The following LRRC61 variants were observed in gnomAD, a reference collection of about 807,000 sequenced individuals.
LRRC61 encodes the protein leucine-rich repeat-containing protein 61.
LRRC61 carries 9 observed loss-of-function variants against 15.1 expected under a neutral mutation model. The observed-to-expected ratio is 0.60, with a 90% confidence interval of 0.36 to 1.04. LRRC61 has a LOEUF of 1.04. Ranked by LOEUF, LRRC61 falls within the 50% of genes least tolerant of loss-of-function variation. LRRC61 has a pLI of 0.01. For synonymous variants in LRRC61, 173 were observed against 158.6 expected (o/e 1.09, Z -0.68); for missense variants, 344 against 335.6 (o/e 1.03, Z -0.20).
Position 150,330,001 on chromosome 7 carries a change from G to T in LRRC61, c.-145+3991G>T, listed in dbSNP as rs1197782452. On this transcript the variant is annotated intron_variant, in intron 2 of 2. Transcript: ENST00000359623. This position sits in a 1 kb window ranked among gnomAD's most constrained non-coding sequence, Gnocchi z 4.6. ...GCAGGCTTCCTGGTATCGAGCAGCTGCCCCAGCCTGGAGCAGGCGGCCAAG... is the reference window on the plus strand; with the variant it reads ...GCAGGCTTCCTGGTATCGAGCAGCTTCCCCAGCCTGGAGCAGGCGGCCAAG... 1 of 178,882 alleles carries T rather than the reference G, an allele frequency of 5.6e-6. No homozygotes were observed. The highest frequency in any genetic ancestry group is 2.4e-5 in the African/African-American group (1 of 42,072). 11.1% of individuals were successfully genotyped at this position (178,882 alleles called of 1,614,324 possible).
Position 150,337,304 on chromosome 7 carries a change from C to T in LRRC61, c.443C>T (p.Ala148Val), listed in dbSNP as rs1563230172. Residue 148 changes from alanine to valine, a missense_variant, in exon 3 of 3, where the codon GCT becomes GTT. Transcript: ENST00000359623. ...CTCTGTGCCAACCCCTCCTACTGGG[C>T]TGCAGTCCGGGAGCTGCTGCCTGGC... The part of the protein sequence containing the change: ...NPLCANPSYW[A>V]AVRELLPGLK... 4 of 1,603,526 alleles carry T rather than the reference C, an allele frequency of 2.5e-6. No homozygotes were observed. Among genetic ancestry groups the T allele is most frequent in the African/African-American group, 1.3e-5 (1 of 74,938 alleles).
chr7:150,318,120 AGAGT>A, the LRRC61 span, among the ~76,000 whole-genome samples: 1 of 152,232 alleles, frequency 6.6e-6, no homozygotes, highest in Non-Finnish European at 1.5e-5. Flanking sequence ...CGAGAAGAAT[AGAGT>A]GAGGCTAAAG....
upstream of LRRC61, among the ~76,000 whole-genome samples, chr7:150,320,149 AC>A (rs1376960364): frequency 1.3e-5 from 2 of 152,220 alleles, no homozygotes; most frequent in East Asian, 3.8e-4. Context: ...TTCACCCCAG[AC>A]CCCAAGGGCA....
chr7:150,321,157 G>T (rs1156344322), upstream of LRRC61, among the ~76,000 whole-genome samples: 1 of 152,114 alleles, frequency 6.6e-6, no homozygotes, highest in Non-Finnish European at 1.5e-5. Flanking sequence ...TAACCTTTAT[G>T]TGTCCTCTTA....
Position 150,330,863 on chromosome 7 carries a change from C to G in LRRC61, c.-145+4853C>G, listed in dbSNP as rs760177664. 3 of 1,609,362 alleles carry G rather than the reference C, an allele frequency of 1.9e-6. No homozygotes were observed. In the East Asian group the frequency reaches 6.7e-5, roughly 36 times the overall value. On this transcript the variant is annotated intron_variant, in intron 2 of 2. Coordinates refer to ENST00000359623, the MANE Select transcript of LRRC61 (RefSeq NM_001142928.2). This position sits in a 1 kb window ranked among gnomAD's most constrained non-coding sequence, Gnocchi z 4.6. ...GAAGCCAGGGGGAGCCTCTGCAGAGCAGCAGCCACTCTGGGGCCTTCCTGC... is the reference window on the plus strand; with the variant it reads ...GAAGCCAGGGGGAGCCTCTGCAGAGGAGCAGCCACTCTGGGGCCTTCCTGC...
At chr7:150,331,391 G>A (rs1294879405) in intron 2 of LRRC61, 2 of 368,614 alleles carry the variant, frequency 5.4e-6, no homozygotes, top group African/African-American at 2.1e-5. Context: ...AAAGCAGAGA[G>A]CTGGGTGTTG....
rs1365545038 is a variant in LRRC61 at position 150,333,332 on chromosome 7, G to T, written c.-144-3386G>T. ...GGAGGTGTCTTTAGTTGTTCCAAGT[G>T]GGGTAAGGGGAGTGGTTCTGTTGGT... On this transcript the variant is annotated intron_variant, in intron 2 of 2. Transcript: ENST00000359623. This position sits in a 1 kb window ranked among gnomAD's most constrained non-coding sequence, Gnocchi z 4.3. Among the ~76,000 whole-genome samples the T allele has an allele frequency of 6.6e-6, 1 of 152,204 alleles. No individual in the cohort carries two copies. Among genetic ancestry groups the T allele is most frequent in the Non-Finnish European group, 1.5e-5 (1 of 68,032 alleles).
At chr7:150,315,387 T>C in the LRRC61 span, among the ~76,000 whole-genome samples, 1 of 152,152 alleles carries the variant, frequency 6.6e-6, no homozygotes, top group Non-Finnish European at 1.5e-5. Context: ...CAGCCGAAGA[T>C]GCTAGCAACG....
intron 2 of LRRC61, chr7:150,332,167 G>A (rs1260176588): frequency 6.0e-6 from 1 of 167,140 alleles, no homozygotes; most frequent in African/African-American, 2.4e-5. Context: ...AGAGAGAAAG[G>A]ATGTGTGTAG....
chr7:150,324,742 A>G (rs906680081), intron 1 of LRRC61, among the ~76,000 whole-genome samples: 1 of 151,824 alleles, frequency 6.6e-6, no homozygotes, highest in African/African-American at 2.4e-5. Flanking sequence ...TTCCCTGTGT[A>G]GTTAGCCTCC....
chr7:150,324,597 C>T (rs1797878021), intron 1 of LRRC61, among the ~76,000 whole-genome samples: 1 of 152,162 alleles, frequency 6.6e-6, no homozygotes, highest in Non-Finnish European at 1.5e-5. Context: ...CCCTTCTGCA[C>T]AGCACTCCAG....
chr7:150,337,101 C>T lies in LRRC61; in HGVS notation c.240C>T (p.Leu80=). Residue 80 remains leucine, a synonymous_variant, in exon 3 of 3, where the codon CTC becomes CTT. Transcript: ENST00000359623. Reference sequence around the variant, plus strand: ...CCTCCTTGCGCCAGCTAGCTGTGCTCAATGTCTCCAACAATCGGCTGACGG... The same window carrying T: ...CCTCCTTGCGCCAGCTAGCTGTGCTTAATGTCTCCAACAATCGGCTGACGG... ...PLASLRQLAV[L]NVSNNRLTGL... is the part of the protein sequence containing the mutation. 6.2e-7 allele frequency: 1 copy of T among 1,612,632 alleles called. No individual in the cohort carries two copies. The highest frequency in any genetic ancestry group is 8.5e-7 in the Non-Finnish European group (1 of 1,179,840).
chr7:150,315,371 G>A, the LRRC61 span, among the ~76,000 whole-genome samples: 71 of 152,140 alleles, frequency 4.7e-4, no homozygotes, highest in Admixed American at 2.4e-3. Context: ...CCTGGAAGAG[G>A]ATATGCAGCC....
chr7:150,330,149 T>G lies in LRRC61; in HGVS notation c.-145+4139T>G. 1.8e-6 allele frequency: 1 copy of G among 548,596 alleles called. No individual in the cohort carries two copies. The highest frequency in any genetic ancestry group is 3.2e-6 in the Non-Finnish European group (1 of 308,258). 34.0% of individuals were successfully genotyped at this position (548,596 alleles called of 1,614,324 possible). A position where few individuals can be genotyped will look rare whatever the true frequency, so the allele number is the denominator to read the frequency against. On this transcript the variant is annotated intron_variant, in intron 2 of 2. Transcript: ENST00000359623. The surrounding 1 kb of genome is among the most constrained non-coding windows in gnomAD (Gnocchi z 4.6). The stretch of plus-strand genomic sequence containing the variant: ...GCACTGCCAGGGCCACCTGCAGCCA[T>G]TTCTAAGGCTCTGTGGAGGCCCAGG...
At chr7:150,336,618 A>G in intron 2 of LRRC61, 100 bp from the exon 3 acceptor site, 1 of 570,770 alleles carries the variant, frequency 1.8e-6, no homozygotes, top group Non-Finnish European at 3.1e-6. Context: ...CCTGGCTGAG[A>G]TTGTTGGTTT....
At chr7:150,313,595 C>G in the LRRC61 span, among the ~76,000 whole-genome samples, 1 of 152,148 alleles carries the variant, frequency 6.6e-6, no homozygotes, top group African/African-American at 2.4e-5. Context: ...GAGGGGGGTA[C>G]AGTGAGGCAT....
intron 2 of LRRC61, among the ~76,000 whole-genome samples, chr7:150,326,521 G>A (rs73474318): frequency 0.012 from 1,829 of 151,748 alleles, 38 homozygotes; most frequent in African/African-American, 0.042. Flanking sequence ...CGTCTCTACA[G>A]AAAACACAAA....
the LRRC61 span, among the ~76,000 whole-genome samples, chr7:150,310,698 G>A: frequency 2.0e-5 from 3 of 152,014 alleles, no homozygotes; most frequent in Admixed American, 1.3e-4. Context: ...CAACTCACCT[G>A]GACTGTCCTA....
rs1247662907 is a variant in LRRC61 at position 150,337,556 on chromosome 7, A to ACCTGGACCGCCAGGCCAGCGACAG, written c.701_724dup (p.Asp234_Leu241dup). 6.3e-7 allele frequency: 1 copy of ACCTGGACCGCCAGGCCAGCGACAG among 1,596,350 alleles called. No homozygotes were observed. The highest frequency in any genetic ancestry group is 1.3e-5 in the African/African-American group (1 of 74,444). On this transcript the variant is annotated inframe_insertion, in exon 3 of 3. Coordinates refer to ENST00000359623, the MANE Select transcript of LRRC61 (RefSeq NM_001142928.2). The stretch of plus-strand genomic sequence containing the variant: ...CAGGACACACTGCAGGAGTGCTGGG[A>ACCTGGACCGCCAGGCCAGCGACAG]CCTGGACCGCCAGGCCAGCGACAGC...
Sources: allele counts gnomAD v4.1 joint callset (sites outside exome capture counted in the v4.1 genomes callset), GRCh38; gene constraint gnomAD v4.1.1; non-coding constraint Gnocchi (gnomAD v3.1); transcripts MANE v1.5; gene names NCBI Gene and HGNC (gene_info 2026-07-23, HGNC 2026-07-21).